Variants in AGAP1 observed in about 807,000 individuals in gnomAD.
AGAP1 encodes the protein ArfGAP with GTPase domain, ankyrin repeat and PH domain 1, also known as arf-GAP with GTPase, ANK repeat and PH domain-containing protein 1.
In AGAP1, 29 loss-of-function variants were observed where a neutral mutation model predicts 105.3. The ratio of observed to expected loss-of-function variants is 0.28; its 90% CI spans 0.21 to 0.38. AGAP1 has a LOEUF of 0.38. AGAP1 is among the 10% of genes least tolerant of loss of function. AGAP1 has a pLI of 1.00. For missense variants in AGAP1, 998 were observed against 1,165.1 expected, an observed-to-expected ratio of 0.86 and a Z score of 2.09; for synonymous variants, 509 against 485.9, an observed-to-expected ratio of 1.05 and a Z score of -0.63.
intron 9 of AGAP1, among the ~76,000 whole-genome samples, chr2:235,822,003 T>C (rs1245528486): frequency 2.6e-5 from 4 of 152,240 alleles, no homozygotes; most frequent in African/African-American, 9.6e-5. Flanking sequence ...TGGTGCTCTG[T>C]ACCAGAGGCA....
chr2:236,094,337 G>A (rs2059139658), intron 16 of AGAP1, among the ~76,000 whole-genome samples: 1 of 150,076 alleles, frequency 6.7e-6, no homozygotes, highest in South Asian at 2.1e-4. Context: ...CATGGCCTAT[G>A]AAGTTGCCAA....
At chr2:235,987,925 C>G (rs1040499005) in intron 13 of AGAP1, among the ~76,000 whole-genome samples, 2 of 152,036 alleles carry the variant, frequency 1.3e-5, no homozygotes, top group African/African-American at 4.8e-5. Flanking sequence ...CTCCTAATTA[C>G]AAAAATAGGT....
At position 236,103,987 on chromosome 2, in the gene AGAP1, A is replaced by G. The variant is rs538846629; in HGVS notation, c.2115-16205A>G. ...ACATGCACAACCGCCTTACGTCCTT[A>G]CTATGTCCCTGAGATGTGGAGGGTT... On this transcript the variant is annotated intron_variant, in intron 16 of 17. Transcript: ENST00000304032. Among the ~76,000 whole-genome samples the G allele has an allele frequency of 2.2e-4, 33 of 152,314 alleles. 2 individuals are homozygous for G. Among genetic ancestry groups the G allele is most frequent in the African/African-American group, 7.0e-4 (29 of 41,570 alleles).
chr2:235,677,907 A>C (rs1948834015), intron 1 of AGAP1, among the ~76,000 whole-genome samples: 2 of 2,760 alleles, frequency 7.2e-4, no homozygotes, highest in Admixed American at 8.2e-3. Context: ...GCTCTTTACC[A>C]AAAAAAAAAA....
In AGAP1 at chr2:235,549,878, G is replaced by A. The variant is rs1943749171; in HGVS notation, c.163+55029G>A. Among the ~76,000 whole-genome samples, 1 of 152,154 alleles carries A rather than the reference G, an allele frequency of 6.6e-6. No individual in the cohort carries two copies. The highest frequency in any genetic ancestry group is 1.5e-5 in the Non-Finnish European group (1 of 68,026). On this transcript the variant is annotated intron_variant, in intron 1 of 17. Coordinates refer to ENST00000304032, the MANE Select transcript of AGAP1 (RefSeq NM_001037131.3). The surrounding 1 kb of genome is among the most constrained non-coding windows in gnomAD (Gnocchi z 4.2). ...ATTAGTGGAGTGAGTGGGAGGACTC[G>A]CCCTGCGCAGGTGGAGGGTGATGAG...
intron 9 of AGAP1, among the ~76,000 whole-genome samples, chr2:235,822,720 A>G (rs1244720888): frequency 6.6e-6 from 1 of 152,134 alleles, no homozygotes; most frequent in Non-Finnish European, 1.5e-5. Context: ...AGTGGTGAAG[A>G]GGAGCTGGAG....
chr2:235,754,943 C>T lies in AGAP1; in HGVS notation c.673+4455C>T, dbSNP rs1367716363. On this transcript the variant is annotated intron_variant, in intron 6 of 17. Transcript: ENST00000304032. This position sits in a 1 kb window ranked among gnomAD's most constrained non-coding sequence, Gnocchi z 4.6. ...CTGCTTTCTGGGGGTGGAGCGTTCT[C>T]GCTCCTGCTCACAGGCGAGTTTGTG... Among the ~76,000 whole-genome samples the T allele has an allele frequency of 2.0e-5, 3 of 152,240 alleles. No individual in the cohort carries two copies. The highest frequency in any genetic ancestry group is 4.8e-5 in the African/African-American group (2 of 41,480).
rs570031723 is a variant in AGAP1 at position 236,121,591 on chromosome 2, G to T, written c.2370+1144G>T. Among the ~76,000 whole-genome samples, 1 of 152,232 alleles carries T rather than the reference G, an allele frequency of 6.6e-6. No individual in the cohort carries two copies. Among genetic ancestry groups the T allele is most frequent in the African/African-American group, 2.4e-5 (1 of 41,556 alleles). On this transcript the variant is annotated intron_variant, in intron 17 of 17. Transcript: ENST00000304032. The surrounding 1 kb of genome is among the most constrained non-coding windows in gnomAD (Gnocchi z 4.9). ...TGGGAGTACAGGCATGACCCACCAC[G>T]CCCAGCCTTGATCTGACTTTTTTGA...
At chr2:235,500,423 A>G (rs572428015) in intron 1 of AGAP1, among the ~76,000 whole-genome samples, 3 of 152,200 alleles carry the variant, frequency 2.0e-5, no homozygotes, top group Non-Finnish European at 4.4e-5. Flanking sequence ...TGTCCTGAGG[A>G]TGCGGATGCC....
chr2:235,790,210 C>T (rs751045079), intron 6 of AGAP1, among the ~76,000 whole-genome samples: 4 of 152,116 alleles, frequency 2.6e-5, no homozygotes, highest in Non-Finnish European at 4.4e-5. Flanking sequence ...AAGAAATTTT[C>T]GGAGTTTAGC....
At chr2:236,066,867 C>T (rs893838852) in intron 16 of AGAP1, among the ~76,000 whole-genome samples, 1 of 152,008 alleles carries the variant, frequency 6.6e-6, no homozygotes, top group Non-Finnish European at 1.5e-5. Flanking sequence ...GTTAGTTTTG[C>T]CTCTTAGAAA....
chr2:236,125,982 TC>T lies in AGAP1; in HGVS notation c.*1861del, dbSNP rs2059998471. 1.6e-4 allele frequency: 24 copies of T among 151,948 alleles called. No homozygotes were observed. The highest frequency in any genetic ancestry group is 2.2e-4 in the Non-Finnish European group (15 of 68,044). The allele number at this position is 151,948 out of a possible 1,614,324, so 9.4% of individuals were successfully genotyped here. On this transcript the variant is annotated 3_prime_UTR_variant, in exon 18 of 18. Transcript: ENST00000304032. The surrounding 1 kb of genome is among the most constrained non-coding windows in gnomAD (Gnocchi z 5.2). ...GCAGCCTCCGGGGTGTTCCTCGCTCTCTCGTATGTTAAACCTTATATTTTAT... is the reference window on the plus strand; with the variant it reads ...GCAGCCTCCGGGGTGTTCCTCGCTCTTCGTATGTTAAACCTTATATTTTAT...
In AGAP1 at chr2:235,724,914, G is replaced by T. The variant is rs1377513556; in HGVS notation, c.310+7270G>T. ...GAGAAGCCTTTCGCTTGTCTGTTTG[G>T]TTTATTTGGTTCACATCAGAGTTTG... On this transcript the variant is annotated intron_variant, in intron 3 of 17. Coordinates refer to ENST00000304032, the MANE Select transcript of AGAP1 (RefSeq NM_001037131.3). This position sits in a 1 kb window ranked among gnomAD's most constrained non-coding sequence, Gnocchi z 4.9. Among the ~76,000 whole-genome samples, 1 of 152,182 alleles carries T rather than the reference G, an allele frequency of 6.6e-6. No individual in the cohort carries two copies. The highest frequency in any genetic ancestry group is 1.5e-5 in the Non-Finnish European group (1 of 68,038).
At chr2:235,802,652 ATGATGATGGTTG>A (rs1957550027) in intron 8 of AGAP1, among the ~76,000 whole-genome samples, 1 of 141,090 alleles carries the variant, frequency 7.1e-6, no homozygotes, top group African/African-American at 2.8e-5. Context: ...GGTTGTGGTG[ATGATGATGGTTG>A]TGGTTGTGGT....
At chr2:235,890,590 GGCT>G (rs2050491352) in intron 10 of AGAP1, among the ~76,000 whole-genome samples, 1 of 152,180 alleles carries the variant, frequency 6.6e-6, no homozygotes, top group Non-Finnish European at 1.5e-5. Flanking sequence ...AGTGGGCGGG[GGCT>G]GCCCAGCCTG....
At chr2:235,878,470 C>G (rs2049855039) in intron 9 of AGAP1, among the ~76,000 whole-genome samples, 1 of 152,152 alleles carries the variant, frequency 6.6e-6, no homozygotes, top group Admixed American at 6.5e-5. Flanking sequence ...TAAAGTACTC[C>G]TCCCTGCCAA....
intron 1 of AGAP1, among the ~76,000 whole-genome samples, chr2:235,516,551 G>A (rs537763368): frequency 2.6e-5 from 4 of 152,176 alleles, no homozygotes; most frequent in African/African-American, 7.2e-5. Flanking sequence ...GGAAACAAGT[G>A]TAAGTGCTTG....
In AGAP1 at chr2:235,908,925, C is replaced by T. The variant is rs763389574; in HGVS notation, c.1324+19C>T. On this transcript the variant is annotated intron_variant, in intron 11 of 17. Coordinates refer to ENST00000304032, the MANE Select transcript of AGAP1 (RefSeq NM_001037131.3). The surrounding 1 kb of genome is among the most constrained non-coding windows in gnomAD (Gnocchi z 4.4). Reference sequence around the variant, plus strand: ...AATTCAGGTAAGCTTACAGCAAATGCACTAACAAATCAAGTTCAACAGCAA... The same window carrying T: ...AATTCAGGTAAGCTTACAGCAAATGTACTAACAAATCAAGTTCAACAGCAA... The T allele has an allele frequency of 6.3e-7, 1 of 1,597,630 alleles. No individual in the cohort carries two copies. The highest frequency in any genetic ancestry group is 1.1e-5 in the South Asian group (1 of 90,100).
chr2:235,571,128 G>A lies in AGAP1; in HGVS notation c.163+76279G>A, dbSNP rs564093341. 3.2e-4 allele frequency among the ~76,000 whole-genome samples: 49 copies of A among 152,238 alleles called. 1 individual carries two copies. Among genetic ancestry groups the A allele is most frequent in the Admixed American group, 3.0e-3 (46 of 15,294 alleles). ...ACACACTTGTAAACAACCAAATCTC[G>A]TGAGAACTCCTTATCACAGGAACAG... On this transcript the variant is annotated intron_variant, in intron 1 of 17. Coordinates refer to ENST00000304032, the MANE Select transcript of AGAP1 (RefSeq NM_001037131.3).
Sources: allele counts gnomAD v4.1 joint callset (sites outside exome capture counted in the v4.1 genomes callset), GRCh38; gene constraint gnomAD v4.1.1; non-coding constraint Gnocchi (gnomAD v3.1); transcripts MANE v1.5; gene names NCBI Gene and HGNC (gene_info 2026-07-23, HGNC 2026-07-21).